Variants in VPS13C observed in about 807,000 individuals in gnomAD.
VPS13C encodes the protein intermembrane lipid transfer protein VPS13C.
A neutral mutation model predicts 456.8 loss-of-function variants in VPS13C; 358 were observed. The observed-to-expected ratio is 0.78, with a 90% CI of 0.72 to 0.86. VPS13C has a LOEUF of 0.86. VPS13C is among the 40% of genes least tolerant of loss of function. VPS13C has a pLI of 0.00. For missense variants in VPS13C, 4,818 were observed against 4,385.4 expected (o/e 1.10, Z -2.79); for synonymous variants, 1,578 against 1,486.7 (o/e 1.06, Z -1.41).
At chr15:61,909,363 A>T (rs1039746373) in intron 64 of VPS13C, among the ~76,000 whole-genome samples, 1 of 152,150 alleles carries the variant, frequency 6.6e-6, no homozygotes, top group Non-Finnish European at 1.5e-5. Context: ...ATGTGCCACC[A>T]TGCCCAGCTA....
chr15:62,048,240 T>C (rs2048490338), intron 1 of VPS13C, among the ~76,000 whole-genome samples: 1 of 112,208 alleles, frequency 8.9e-6, no homozygotes, highest in South Asian at 3.3e-4. Context: ...TATCTCCTAA[T>C]GCTATCCCTC....
intron 66 of VPS13C, among the ~76,000 whole-genome samples, chr15:61,902,492 A>T (rs1328227878): frequency 1.3e-5 from 2 of 152,170 alleles, no homozygotes; most frequent in African/African-American, 4.8e-5. Context: ...CATTAAAAAG[A>T]TCCATCACTA....
In VPS13C at chr15:61,881,604, G is replaced by C; in HGVS notation, c.9735C>G (p.Val3245=). The part of the protein sequence containing the change: ...SEPKPFIDVS[V]ITRFNEYSKV... ...TACTGTACTCATTAAATCTTGTGAT[G>C]ACACTCACATCAATGAAAGGCTTGG... The change falls in exon 71 of 85, where the codon GTC becomes GTG. Residue 3245 remains valine, a synonymous_variant. Coordinates refer to ENST00000644861, the MANE Select transcript of VPS13C (RefSeq NM_020821.3). 6.2e-7 allele frequency: 1 copy of C among 1,612,524 alleles called. No individual in the cohort carries two copies. Among genetic ancestry groups the C allele is most frequent in the South Asian group, 1.1e-5 (1 of 90,910 alleles).
intron 5 of VPS13C, among the ~76,000 whole-genome samples, chr15:62,029,593 T>G (rs1243315487): frequency 1.3e-5 from 2 of 152,162 alleles, no homozygotes; most frequent in Non-Finnish European, 2.9e-5. Flanking sequence ...AAACTGTCTG[T>G]ACCTCTTTGA....
At chr15:62,002,146 G>C in intron 15 of VPS13C, among the ~76,000 whole-genome samples, 1 of 152,164 alleles carries the variant, frequency 6.6e-6, no homozygotes, top group East Asian at 1.9e-4. Flanking sequence ...CAGTGTAAAG[G>C]TGTTCCTATT....
intron 67 of VPS13C, among the ~76,000 whole-genome samples, chr15:61,888,195 A>G (rs941723914): frequency 9.2e-5 from 14 of 152,178 alleles, no homozygotes; most frequent in Non-Finnish European, 1.8e-4. Flanking sequence ...CGACAATACC[A>G]AATTTTGGCA....
chr15:61,897,686 T>G (rs967118375), intron 66 of VPS13C, among the ~76,000 whole-genome samples: 1 of 152,046 alleles, frequency 6.6e-6, no homozygotes, highest in African/African-American at 2.4e-5. Context: ...CTGCAGGATA[T>G]TATCCAGGAG....
intron 83 of VPS13C, among the ~76,000 whole-genome samples, chr15:61,855,623 TA>T (rs1012541325): frequency 6.6e-6 from 1 of 152,120 alleles, no homozygotes; most frequent in African/African-American, 2.4e-5. Flanking sequence ...AATTTCCCAG[TA>T]AAAAACGTTT....
chr15:61,915,377 A>ATACTAC (rs113544556), intron 61 of VPS13C, among the ~76,000 whole-genome samples: 24 of 151,962 alleles, frequency 1.6e-4, no homozygotes, highest in South Asian at 1.2e-3. Flanking sequence ...TCTATCTACT[A>ATACTAC]TACTACTACT....
intron 82 of VPS13C, among the ~76,000 whole-genome samples, chr15:61,857,358 T>C (rs1448427231): frequency 6.6e-6 from 1 of 152,008 alleles, no homozygotes; most frequent in Non-Finnish European, 1.5e-5. Context: ...AGTTGATTCT[T>C]GAAAGGAAGG....
intron 39 of VPS13C, among the ~76,000 whole-genome samples, 177 bp from the exon 40 acceptor site, chr15:61,951,201 G>C (rs2044780034): frequency 6.6e-6 from 1 of 151,622 alleles, no homozygotes; most frequent in African/African-American, 2.4e-5. Context: ...GAAAAAAAAG[G>C]AAACAAATTC....
At chr15:62,020,560 C>G (rs773570968) in intron 8 of VPS13C, 22 bp from the exon 9 acceptor site, 6 of 1,608,646 alleles carry the variant, frequency 3.7e-6, no homozygotes, top group South Asian at 1.1e-5. Context: ...GAAAAGATAA[C>G]AGTAAAATAT....
intron 40 of VPS13C, 110 bp from the exon 41 acceptor site, chr15:61,950,527 A>G (rs2044751846): frequency 5.9e-6 from 5 of 850,394 alleles, no homozygotes; most frequent in African/African-American, 1.8e-5. Flanking sequence ...GAGTAAAAAG[A>G]TATTTCCTAA....
At chr15:61,911,685 T>C (rs12906423) in intron 63 of VPS13C, among the ~76,000 whole-genome samples, 155 bp downstream of exon 63, 1 of 151,960 alleles carries the variant, frequency 6.6e-6, no homozygotes, top group Non-Finnish European at 1.5e-5. Flanking sequence ...CTCCTTTTTT[T>C]AAAAATATAG....
intron 67 of VPS13C, among the ~76,000 whole-genome samples, chr15:61,886,323 A>G (rs1331600655): frequency 1.3e-5 from 2 of 152,104 alleles, no homozygotes; most frequent in Non-Finnish European, 2.9e-5. Context: ...CTTAGTTTGG[A>G]AACTATACTG....
intron 46 of VPS13C, 81 bp from the exon 47 acceptor site, chr15:61,940,875 A>C: frequency 7.2e-7 from 1 of 1,381,384 alleles, no homozygotes; most frequent in Non-Finnish European, 9.7e-7. Flanking sequence ...AACAGTTTCC[A>C]CACAGCATTT....
intron 66 of VPS13C, among the ~76,000 whole-genome samples, chr15:61,897,492 A>G (rs1381727746): frequency 1.3e-5 from 2 of 152,212 alleles, no homozygotes; most frequent in African/African-American, 4.8e-5. Context: ...AACTGGAAGA[A>G]AGGGTATCAG....
At chr15:61,992,518 C>G (rs927886588) in intron 16 of VPS13C, among the ~76,000 whole-genome samples, 2 of 152,032 alleles carry the variant, frequency 1.3e-5, no homozygotes, top group African/African-American at 4.8e-5. Flanking sequence ...TTGTAAGCCT[C>G]TGTGTGTAAT....
At chr15:61,991,411 T>A (rs1596440976) in intron 17 of VPS13C, among the ~76,000 whole-genome samples, 1 of 152,356 alleles carries the variant, frequency 6.6e-6, no homozygotes, top group East Asian at 1.9e-4. Flanking sequence ...AAATGCTAAA[T>A]GTTGAGATCT....
Sources: allele counts gnomAD v4.1 joint callset (sites outside exome capture counted in the v4.1 genomes callset), GRCh38; gene constraint gnomAD v4.1.1; transcripts MANE v1.5; gene names NCBI Gene and HGNC (gene_info 2026-07-23, HGNC 2026-07-21).